PELI2: variants seen among roughly 807,000 people sequenced by gnomAD.
The protein encoded by PELI2 is pellino E3 ubiquitin protein ligase family member 2, also known as E3 ubiquitin-protein ligase pellino homolog 2.
A neutral mutation model predicts 42.3 loss-of-function variants in PELI2; 23 were observed. The ratio of observed to expected loss-of-function variants is 0.54; its 90% CI spans 0.39 to 0.77. PELI2 has a LOEUF of 0.77. Ranked by LOEUF, PELI2 falls within the 30% of genes least tolerant of loss-of-function variation. PELI2 has a pLI of 0.00. For synonymous variants in PELI2, 245 were observed against 212.2 expected (o/e 1.15, Z -1.34); for missense variants, 463 against 553.2 (o/e 0.84, Z 1.64).
intron 2 of PELI2, among the ~76,000 whole-genome samples, chr14:56,271,990 A>G (rs1290816214): frequency 2.0e-5 from 3 of 152,210 alleles, no homozygotes; most frequent in African/African-American, 7.2e-5. Context: ...TGTGGTGCAG[A>G]GCTCTTCAGA....
intron 2 of PELI2, among the ~76,000 whole-genome samples, chr14:56,272,928 C>A (rs545254563): frequency 6.6e-6 from 1 of 152,274 alleles, no homozygotes; most frequent in Non-Finnish European, 1.5e-5. Flanking sequence ...TGATGAGTCA[C>A]ATAAGATTTT....
chr14:56,141,822 T>A (rs757517897), intron 1 of PELI2, among the ~76,000 whole-genome samples: 1 of 152,184 alleles, frequency 6.6e-6, no homozygotes, highest in Non-Finnish European at 1.5e-5. Flanking sequence ...AAGGTGAGAT[T>A]TGGTTGGGGA....
At position 56,300,020 on chromosome 14, in the gene PELI2, T is replaced by A. The variant is rs890844515; in HGVS notation, c.*2854T>A. The stretch of plus-strand genomic sequence containing the variant: ...GCTGCAACTCTCAACATTTCCCTTA[T>A]TTGGTTCAGCTTTTAGCAAAAAGGG... On this transcript the variant is annotated 3_prime_UTR_variant, in exon 6 of 6. Transcript: ENST00000267460. The A allele has an allele frequency of 1.3e-5, 2 of 152,674 alleles. No homozygotes were observed. The highest frequency in any genetic ancestry group is 4.8e-5 in the African/African-American group (2 of 41,470). 9.5% of individuals were successfully genotyped at this position (152,674 alleles called of 1,614,324 possible). A position where few individuals can be genotyped will look rare whatever the true frequency, so the allele number is the denominator to read the frequency against.
rs555650456 is a variant in PELI2, at chr14:56,178,768, C to G, written c.207+304C>G. 1.4e-4 allele frequency among the ~76,000 whole-genome samples: 21 copies of G among 152,318 alleles called. No homozygotes were observed. The South Asian group carries it at 4.1e-3, about 30-fold the overall frequency. On this transcript the variant is annotated intron_variant, in intron 2 of 5. Transcript: ENST00000267460. ...CTGGGGAGGGCTGGGCAGGTAAAAT[C>G]TGTCCTATTAGGAAGCACTGCTTTA... is the stretch of plus-strand genomic sequence containing the variant.
chr14:56,290,681 G>T (rs912160981), intron 5 of PELI2, among the ~76,000 whole-genome samples: 3 of 152,090 alleles, frequency 2.0e-5, no homozygotes, highest in Non-Finnish European at 4.4e-5. Flanking sequence ...ATTGTGTTTT[G>T]CTCCTTACCA....
chr14:56,231,365 A>T (rs568671454), intron 2 of PELI2, among the ~76,000 whole-genome samples: 2 of 152,266 alleles, frequency 1.3e-5, no homozygotes, highest in South Asian at 4.1e-4. Flanking sequence ...GAAGTAAAGC[A>T]CTCCTCAGCA....
intron 2 of PELI2, among the ~76,000 whole-genome samples, chr14:56,211,454 A>G (rs1327611493): frequency 6.6e-6 from 1 of 152,224 alleles, no homozygotes; most frequent in East Asian, 1.9e-4. Flanking sequence ...CAATGCTCAC[A>G]GGGTGCTCAG....
rs373379476 is a variant in PELI2 at position 56,197,706 on chromosome 14, A to T, written c.207+19242A>T. Among the ~76,000 whole-genome samples the T allele has an allele frequency of 3.7e-4, 57 of 152,172 alleles. 1 individual carries two copies. The South Asian group carries it at 0.012, about 31-fold the overall frequency. On this transcript the variant is annotated intron_variant, in intron 2 of 5. Transcript: ENST00000267460. This position sits in a 1 kb window ranked among gnomAD's most constrained non-coding sequence, Gnocchi z 4.9. The stretch of plus-strand genomic sequence containing the variant: ...TTCTGTGAAGGTGTTTTTGGATGAG[A>T]TTAACATTTAAATCTCTAGACTTTG...
At chr14:56,119,287 T>C (rs969983370) in intron 1 of PELI2, 1 of 151,592 alleles carries the variant, frequency 6.6e-6, no homozygotes, top group Non-Finnish European at 1.5e-5. Flanking sequence ...CGGCTGCGCT[T>C]TGCAAATTGT....
intron 2 of PELI2, among the ~76,000 whole-genome samples, chr14:56,202,813 T>TA (rs1244888606): frequency 2.0e-5 from 3 of 152,196 alleles, no homozygotes; most frequent in African/African-American, 7.2e-5. Context: ...GAGAAACAGC[T>TA]AGACAAATCC....
chr14:56,250,199 C>T (rs1888297545), intron 2 of PELI2, among the ~76,000 whole-genome samples: 1 of 152,132 alleles, frequency 6.6e-6, no homozygotes, highest in African/African-American at 2.4e-5. Flanking sequence ...ACTGACGGTT[C>T]CTACTGAGAG....
intron 2 of PELI2, among the ~76,000 whole-genome samples, chr14:56,194,366 A>C (rs944166773): frequency 6.6e-6 from 1 of 152,138 alleles, no homozygotes; most frequent in Non-Finnish European, 1.5e-5. Flanking sequence ...TGTCCAATCT[A>C]AGTGAGAAAG....
At chr14:56,144,807 G>T (rs768698976) in intron 1 of PELI2, 3 of 169,782 alleles carry the variant, frequency 1.8e-5, no homozygotes, top group Non-Finnish European at 3.6e-5. Context: ...TGGGCCTCTT[G>T]CCCTGTAACT....
At chr14:56,176,795 A>G (rs1358202190) in intron 1 of PELI2, among the ~76,000 whole-genome samples, 3 of 152,234 alleles carry the variant, frequency 2.0e-5, no homozygotes, top group Non-Finnish European at 4.4e-5. Flanking sequence ...AAGCCTTGCC[A>G]GATCTTGTAC....
intron 1 of PELI2, among the ~76,000 whole-genome samples, chr14:56,135,601 A>G (rs1883658768): frequency 6.6e-6 from 1 of 152,252 alleles, no homozygotes; most frequent in African/African-American, 2.4e-5. Flanking sequence ...TTACAAATGT[A>G]TCAGCTACAC....
intron 1 of PELI2, among the ~76,000 whole-genome samples, chr14:56,129,998 G>A (rs1883425321): frequency 6.6e-6 from 1 of 152,108 alleles, no homozygotes; most frequent in South Asian, 2.1e-4. Context: ...AATTGAAGTG[G>A]AGGTCCCTGG....
intron 2 of PELI2, among the ~76,000 whole-genome samples, chr14:56,232,039 C>T (rs878883159): frequency 6.6e-6 from 1 of 152,252 alleles, no homozygotes; most frequent in South Asian, 2.1e-4. Context: ...GACACATACA[C>T]CCTCCCAAGA....
intron 1 of PELI2, among the ~76,000 whole-genome samples, chr14:56,168,438 A>G (rs1594604123): frequency 6.6e-6 from 1 of 152,096 alleles, no homozygotes; most frequent in African/African-American, 2.4e-5. Flanking sequence ...GAGAAGCCTT[A>G]CCCCTTAGCC....
intron 1 of PELI2, among the ~76,000 whole-genome samples, chr14:56,121,792 A>G (rs1364464213): frequency 6.6e-6 from 1 of 152,184 alleles, no homozygotes; most frequent in Admixed American, 6.5e-5. Flanking sequence ...AGGCTTCAAG[A>G]GCCCTTCCTG....
Sources: allele counts gnomAD v4.1 joint callset (sites outside exome capture counted in the v4.1 genomes callset), GRCh38; gene constraint gnomAD v4.1.1; non-coding constraint Gnocchi (gnomAD v3.1); transcripts MANE v1.5; gene names NCBI Gene and HGNC (gene_info 2026-07-23, HGNC 2026-07-21).